The following SGCZ variants were observed in gnomAD, a reference collection of about 807,000 sequenced individuals.
SGCZ encodes the protein zeta-sarcoglycan.
A neutral mutation model predicts 41.3 loss-of-function variants in SGCZ; 40 were observed. That is an observed-to-expected ratio of 0.97 (90% confidence interval 0.75 to 1.26). SGCZ has a LOEUF of 1.26. SGCZ is among the 50% of genes most tolerant of loss of function. The pLI is 0.00. For missense variants in SGCZ, 552 were observed against 369.8 expected, an observed-to-expected ratio of 1.49 and a Z score of -4.04; for synonymous variants, 206 against 137.5, an observed-to-expected ratio of 1.50 and a Z score of -3.49.
In SGCZ at chr8:14,323,608, T is replaced by C. The variant is rs73533331; in HGVS notation, c.336+495A>G. 2.3e-3 allele frequency among the ~76,000 whole-genome samples: 350 copies of C among 152,274 alleles called. 2 individuals are homozygous for C. Among genetic ancestry groups the C allele is most frequent in the African/African-American group, 8.0e-3 (331 of 41,592 alleles). Reference sequence around the variant, plus strand: ...CAGGTAGCACATGTGAACACACTCATATTTGAAGGATAAATATTCTCGCTT... The same window carrying C: ...CAGGTAGCACATGTGAACACACTCACATTTGAAGGATAAATATTCTCGCTT... On this transcript the variant is annotated intron_variant, in intron 3 of 7. Coordinates refer to ENST00000382080, the MANE Select transcript of SGCZ (RefSeq NM_139167.4).
At chr8:14,310,355 A>G (rs1801494596) in intron 3 of SGCZ, among the ~76,000 whole-genome samples, 2 of 152,132 alleles carry the variant, frequency 1.3e-5, no homozygotes, top group Non-Finnish European at 2.9e-5. Context: ...TTTGTTTCTT[A>G]TAACTACAAA....
At chr8:14,244,130 C>A (rs558905462) in intron 3 of SGCZ, among the ~76,000 whole-genome samples, 1 of 151,040 alleles carries the variant, frequency 6.6e-6, no homozygotes, top group African/African-American at 2.4e-5. Context: ...CATTACTCCC[C>A]TTCTTTTCTT....
At chr8:14,771,626 C>T (rs2256127) in intron 1 of SGCZ, among the ~76,000 whole-genome samples, 107,193 of 151,902 alleles carry the variant, frequency 0.71, 38,960 homozygotes, top group African/African-American at 0.89. Flanking sequence ...AATTAGGTAA[C>T]AATATATCAT....
chr8:14,492,600 C>G (rs1367466559), intron 2 of SGCZ, among the ~76,000 whole-genome samples: 1 of 152,120 alleles, frequency 6.6e-6, no homozygotes, highest in African/African-American at 2.4e-5. Context: ...ATATTCTAGT[C>G]TCTATCTGCT....
intron 1 of SGCZ, among the ~76,000 whole-genome samples, chr8:14,891,183 T>C (rs958279849): frequency 1.3e-5 from 2 of 152,200 alleles, no homozygotes; most frequent in African/African-American, 4.8e-5. Context: ...GAAAACATTT[T>C]GTAAGGCTAT....
At chr8:15,000,684 G>C (rs1238811089) in intron 1 of SGCZ, among the ~76,000 whole-genome samples, 1 of 152,142 alleles carries the variant, frequency 6.6e-6, no homozygotes, top group Non-Finnish European at 1.5e-5. Flanking sequence ...ATAAGATTAA[G>C]TTGGGGCAAC....
intron 3 of SGCZ, among the ~76,000 whole-genome samples, chr8:14,318,562 G>C (rs1310038723): frequency 2.6e-5 from 4 of 151,958 alleles, no homozygotes; most frequent in Non-Finnish European, 5.9e-5. Context: ...TACATAGAGA[G>C]TGCTAGAAAA....
chr8:14,426,176 T>C (rs528447489), intron 2 of SGCZ, among the ~76,000 whole-genome samples: 87 of 152,264 alleles, frequency 5.7e-4, no homozygotes, highest in African/African-American at 2.0e-3. Flanking sequence ...AGCAAATTTA[T>C]CTTCCATTAA....
chr8:15,059,717 A>G (rs1253777445), intron 1 of SGCZ, among the ~76,000 whole-genome samples: 1 of 152,232 alleles, frequency 6.6e-6, no homozygotes, highest in Non-Finnish European at 1.5e-5. Context: ...ATGAATCATC[A>G]AAAGTATGGG....
At chr8:15,035,342 G>C (rs1421537432) in intron 1 of SGCZ, among the ~76,000 whole-genome samples, 1 of 152,086 alleles carries the variant, frequency 6.6e-6, no homozygotes, top group Non-Finnish European at 1.5e-5. Context: ...AAAGTCTACA[G>C]TTGATGCACA....
At chr8:15,107,457 G>A (rs1156483682) in intron 1 of SGCZ, among the ~76,000 whole-genome samples, 1 of 152,056 alleles carries the variant, frequency 6.6e-6, no homozygotes, top group African/African-American at 2.4e-5. Flanking sequence ...CATGAAAGCT[G>A]CCTGTTAAAA....
At position 15,019,539 on chromosome 8, in the gene SGCZ, C is replaced by A. The variant is rs758740335; in HGVS notation, c.39+218046G>T. Among the ~76,000 whole-genome samples the A allele has an allele frequency of 1.3e-5, 2 of 151,950 alleles. 1 individual carries two copies. The highest frequency in any genetic ancestry group is 4.2e-4 in the South Asian group (2 of 4,812). On this transcript the variant is annotated intron_variant, in intron 1 of 7. Coordinates refer to ENST00000382080, the MANE Select transcript of SGCZ (RefSeq NM_139167.4). ...TTGATAAATCTAGGCAAAGATAGGC[C>A]TGAGGGATCAGTCCCTTCCTTTCAG... is the stretch of plus-strand genomic sequence containing the variant.
At chr8:14,454,395 G>GA (rs1203033483) in intron 2 of SGCZ, among the ~76,000 whole-genome samples, 2 of 151,966 alleles carry the variant, frequency 1.3e-5, no homozygotes, top group Non-Finnish European at 2.9e-5. Context: ...TTTAGTTCAG[G>GA]AAAAAACCTT....
intron 1 of SGCZ, among the ~76,000 whole-genome samples, chr8:14,770,173 ATTG>A (rs1340344060): frequency 1.3e-5 from 2 of 150,714 alleles, no homozygotes; most frequent in African/African-American, 4.9e-5. Context: ...TATTCACGTA[ATTG>A]TTTTTGAGAT....
chr8:15,154,862 A>G (rs1036486950), intron 1 of SGCZ, among the ~76,000 whole-genome samples: 7 of 152,228 alleles, frequency 4.6e-5, no homozygotes, highest in Non-Finnish European at 7.3e-5. Context: ...TGGTTAACAG[A>G]TACAAAATTA....
intron 1 of SGCZ, among the ~76,000 whole-genome samples, chr8:15,177,324 G>A (rs548595852): frequency 9.9e-5 from 15 of 152,274 alleles, no homozygotes; most frequent in African/African-American, 3.4e-4. Context: ...AGCAGCTGAT[G>A]GATAACGAAA....
At chr8:14,488,553 C>T (rs73190212) in intron 2 of SGCZ, among the ~76,000 whole-genome samples, 2 of 152,028 alleles carry the variant, frequency 1.3e-5, no homozygotes, top group Non-Finnish European at 2.9e-5. Context: ...ATGGAAATGC[C>T]TCTCAAGGAT....
At chr8:14,224,443 G>A (rs1249187174) in intron 4 of SGCZ, among the ~76,000 whole-genome samples, 1 of 152,154 alleles carries the variant, frequency 6.6e-6, no homozygotes, top group Admixed American at 6.5e-5. Flanking sequence ...ATGCAGCAGT[G>A]AGTTGGAAAA....
Position 14,869,172 on chromosome 8 carries a change from C to T in SGCZ, c.40-314246G>A, listed in dbSNP as rs187973815. On this transcript the variant is annotated intron_variant, in intron 1 of 7. Transcript: ENST00000382080. ...TCAGGCCAATATCCCTGATGAACAT[C>T]AATGTGAAAATCATCAATAAAACAC... 3.1e-3 allele frequency among the ~76,000 whole-genome samples: 475 copies of T among 152,244 alleles called. 3 individuals are homozygous for T. Among genetic ancestry groups the T allele is most frequent in the African/African-American group, 0.011 (454 of 41,540 alleles).
Sources: allele counts gnomAD v4.1 joint callset (sites outside exome capture counted in the v4.1 genomes callset), GRCh38; gene constraint gnomAD v4.1.1; transcripts MANE v1.5; gene names NCBI Gene and HGNC (gene_info 2026-07-23, HGNC 2026-07-21).